IGF1R: variants seen among roughly 807,000 people sequenced by gnomAD.
The protein encoded by IGF1R is insulin-like growth factor 1 receptor.
In IGF1R, 44 loss-of-function variants were observed where a neutral mutation model predicts 144.6. The observed-to-expected ratio is 0.30, with a 90% CI of 0.24 to 0.39. The LOEUF (loss-of-function observed/expected upper bound fraction) is 0.39. IGF1R is among the 10% of genes least tolerant of loss of function. The pLI is 1.00. For synonymous variants in IGF1R, 795 were observed against 722.8 expected (o/e 1.10, Z -1.60); for missense variants, 1,355 against 1,833.7 (o/e 0.74, Z 4.77).
intron 11 of IGF1R, among the ~76,000 whole-genome samples, chr15:98,922,752 A>G (rs2015544879): frequency 6.6e-6 from 1 of 152,204 alleles, no homozygotes; most frequent in Non-Finnish European, 1.5e-5. Flanking sequence ...CCTCTTGCGC[A>G]CAAATCGGGT....
rs2017174877 is a variant in IGF1R at position 98,960,341 on chromosome 15, C to A, written c.*2899C>A. ...TGGTTTCCACCAAGGTGTTAGATTT[C>A]TCCTCCTCCTAGCCAGGTGGCCCTG... On this transcript the variant is annotated 3_prime_UTR_variant, in exon 21 of 21. Coordinates refer to ENST00000650285, the MANE Select transcript of IGF1R (RefSeq NM_000875.5). The A allele has an allele frequency of 8.6e-6, 2 of 233,238 alleles. No individual in the cohort carries two copies. Among genetic ancestry groups the A allele is most frequent in the African/African-American group, 2.2e-5 (1 of 45,454 alleles). 14.4% of individuals were successfully genotyped at this position (233,238 alleles called of 1,614,324 possible).
intron 2 of IGF1R, among the ~76,000 whole-genome samples, chr15:98,814,177 C>T (rs892636514): frequency 3.9e-5 from 6 of 152,164 alleles, no homozygotes; most frequent in Admixed American, 2.0e-4. Context: ...TTGCTTGCGT[C>T]ACTAGATCCT....
chr15:98,922,305 A>G lies in IGF1R; in HGVS notation c.2359A>G (p.Arg787Gly). The stretch of plus-strand genomic sequence containing the variant: ...TGAGAGCAGAGTGGATAACAAGGAG[A>G]GAACTGTCATTTCTAACCTTCGGCC... ...FFESRVDNKE[R>G]TVISNLRPFT... Residue 787 changes from arginine (R) to glycine (G), a missense_variant, in exon 11 of 21, where the codon AGA (arginine) becomes GGA (glycine). Arg to Gly is a moderately radical substitution (Grantham distance 125). Transcript: ENST00000650285. 2 of 1,614,158 alleles carry G rather than the reference A, an allele frequency of 1.2e-6. No individual in the cohort carries two copies. The highest frequency in any genetic ancestry group is 1.6e-4 in the Middle Eastern group (1 of 6,062).
chr15:98,693,528 C>G lies in IGF1R; in HGVS notation c.95-14034C>G, dbSNP rs147482310. 4.7e-3 allele frequency among the ~76,000 whole-genome samples: 711 copies of G among 152,296 alleles called. 6 individuals are homozygous for G. The highest frequency in any genetic ancestry group is 0.016 in the African/African-American group (676 of 41,564). On this transcript the variant is annotated intron_variant, in intron 1 of 20. Coordinates refer to ENST00000650285, the MANE Select transcript of IGF1R (RefSeq NM_000875.5). ...TGGGGTTTTCTGCCTCCCTGGTGCA[C>G]TGGGCACAGCGGCTTGCCTGCCTTT...
At chr15:98,808,675 A>ATTTT (rs35643938) in intron 2 of IGF1R, among the ~76,000 whole-genome samples, 124,336 of 145,578 alleles carry the variant, frequency 0.85, 54,291 homozygotes, top group Middle Eastern at 0.94. Context: ...TTCTTGAAAG[A>ATTTT]TTTTTTTTTT....
chr15:98,837,709 A>G (rs2141521623), intron 2 of IGF1R, among the ~76,000 whole-genome samples: 1 of 152,236 alleles, frequency 6.6e-6, no homozygotes, highest in East Asian at 1.9e-4. Flanking sequence ...TATTACTGCC[A>G]TGCTTTAATG....
intron 2 of IGF1R, among the ~76,000 whole-genome samples, chr15:98,788,062 C>CTGTGTG (rs59500414): frequency 1.6e-3 from 214 of 131,076 alleles, no homozygotes; most frequent in African/African-American, 5.7e-3. Flanking sequence ...CTCTCTCTCT[C>CTGTGTG]TGTGTGTGTG....
At chr15:98,742,473 G>A (rs1370205553) in intron 2 of IGF1R, among the ~76,000 whole-genome samples, 3 of 152,188 alleles carry the variant, frequency 2.0e-5, no homozygotes, top group South Asian at 2.1e-4. Context: ...GCATCTTTAC[G>A]CGGGTGGAGG....
chr15:98,882,656 A>G (rs771661737), intron 2 of IGF1R, among the ~76,000 whole-genome samples: 4 of 152,224 alleles, frequency 2.6e-5, no homozygotes, highest in Non-Finnish European at 5.9e-5. Context: ...GGAATGTAGA[A>G]GAAGAGAGTG....
At chr15:98,685,468 CA>C (rs1453653274) in intron 1 of IGF1R, among the ~76,000 whole-genome samples, 7 of 152,164 alleles carry the variant, frequency 4.6e-5, no homozygotes, top group Admixed American at 4.6e-4. Context: ...TAATCTAGGG[CA>C]CCCGCTTCCC....
At chr15:98,848,997 A>T (rs1286005187) in intron 2 of IGF1R, among the ~76,000 whole-genome samples, 1 of 152,244 alleles carries the variant, frequency 6.6e-6, no homozygotes, top group East Asian at 1.9e-4. Context: ...GCAAGATGTC[A>T]GTTCTCCGTA....
At chr15:98,951,929 A>C (rs2151730711) in intron 20 of IGF1R, among the ~76,000 whole-genome samples, 1 of 152,298 alleles carries the variant, frequency 6.6e-6, no homozygotes, top group African/African-American at 2.4e-5. Context: ...GTTCCAATAC[A>C]GCTTTATTTT....
intron 1 of IGF1R, among the ~76,000 whole-genome samples, chr15:98,679,531 T>C (rs28418754): frequency 0.017 from 2,541 of 152,282 alleles, 71 homozygotes; most frequent in African/African-American, 0.057. Context: ...TCTGTTGTAG[T>C]GCAAGGCACT....
At chr15:98,925,075 G>GAT (rs1477508912) in intron 13 of IGF1R, among the ~76,000 whole-genome samples, 1 of 151,938 alleles carries the variant, frequency 6.6e-6, no homozygotes, top group African/African-American at 2.4e-5. Context: ...AGTAAAGCTA[G>GAT]ATAGGGCTCG....
At chr15:98,871,284 T>G (rs1281499607) in intron 2 of IGF1R, among the ~76,000 whole-genome samples, 1 of 152,204 alleles carries the variant, frequency 6.6e-6, no homozygotes, top group Non-Finnish European at 1.5e-5. Context: ...TTGAATAGAA[T>G]TGTTTAGCAT....
intron 2 of IGF1R, among the ~76,000 whole-genome samples, chr15:98,881,030 CTGCT>C (rs1411670889): frequency 4.6e-5 from 7 of 152,166 alleles, no homozygotes; most frequent in African/African-American, 1.7e-4. Flanking sequence ...AGGCTGGAAA[CTGCT>C]TGCACACTTC....
chr15:98,902,236 A>C (rs1051173468), intron 5 of IGF1R, among the ~76,000 whole-genome samples: 8 of 152,090 alleles, frequency 5.3e-5, no homozygotes, highest in South Asian at 2.1e-4. Flanking sequence ...AAAGATCCCT[A>C]GGCACTTCAG....
intron 2 of IGF1R, among the ~76,000 whole-genome samples, chr15:98,794,550 GAATT>G (rs993077952): frequency 6.6e-6 from 1 of 152,174 alleles, no homozygotes; most frequent in Non-Finnish European, 1.5e-5. Flanking sequence ...ATGGACTTGA[GAATT>G]AATTAGTAAG....
rs372858186 is a variant in IGF1R, at chr15:98,874,177, G to A, written c.641-17148G>A. 2.0e-5 allele frequency among the ~76,000 whole-genome samples: 3 copies of A among 152,168 alleles called. No individual in the cohort carries two copies. In the South Asian group the frequency reaches 6.2e-4, roughly 32 times the overall value. On this transcript the variant is annotated intron_variant, in intron 2 of 20. Transcript: ENST00000650285. ...TGGCCCGGCAGAGCTCTTGCATGGG[G>A]TGAGAATGGTAATTTAGGAAGAGCA...
Sources: gnomAD v4.1 joint callset for allele counts (sites outside exome capture counted in the v4.1 genomes callset) on GRCh38, gnomAD v4.1.1 for gene constraint, MANE v1.5 for transcripts, NCBI Gene and HGNC (gene_info 2026-07-23, HGNC 2026-07-21) for gene names.